APBA1: variants seen among roughly 807,000 people sequenced by gnomAD.
APBA1 encodes amyloid-beta A4 precursor protein-binding family A member 1.
APBA1 carries 55 observed loss-of-function variants against 86.6 expected under a neutral mutation model. The observed-to-expected ratio is 0.64, with a 90% CI of 0.51 to 0.80. APBA1 has a LOEUF of 0.80. Ranked by LOEUF, APBA1 falls within the 30% of genes least tolerant of loss-of-function variation. APBA1 has a pLI of 0.00. For missense variants in APBA1, 1,090 were observed against 1,183.0 expected (o/e 0.92, Z 1.15); for synonymous variants, 511 against 493.9 (o/e 1.03, Z -0.46).
At chr9:69,523,497 G>GTATA (rs869242999) in intron 1 of APBA1, among the ~76,000 whole-genome samples, 241 of 30,774 alleles carry the variant, frequency 7.8e-3, no homozygotes, top group South Asian at 9.5e-3. Context: ...ATATATATAT[G>GTATA]TATATATATA....
intron 2 of APBA1, among the ~76,000 whole-genome samples, chr9:69,486,868 TTC>T (rs1196923135): frequency 9.6e-6 from 1 of 103,806 alleles, no homozygotes; most frequent in East Asian, 2.6e-4. Flanking sequence ...TTTTCTTCTT[TTC>T]TTTTTTTTTT....
rs534190449 is a variant in APBA1 at position 69,662,413 on chromosome 9, A to T, written c.-70+9740T>A. Among the ~76,000 whole-genome samples, 21 of 152,292 alleles carry T rather than the reference A, an allele frequency of 1.4e-4. No homozygotes were observed. The East Asian group carries it at 3.7e-3, about 27-fold the overall frequency. On this transcript the variant is annotated intron_variant, in intron 1 of 12. Coordinates refer to ENST00000265381, the MANE Select transcript of APBA1 (RefSeq NM_001163.4). Reference sequence around the variant, plus strand: ...TGGATGGGGAATCTGCTGAGCTTTTAAAAAAGGAATTTATGTGTACTTTGA... The same window carrying T: ...TGGATGGGGAATCTGCTGAGCTTTTTAAAAAGGAATTTATGTGTACTTTGA...
intron 2 of APBA1, among the ~76,000 whole-genome samples, chr9:69,496,566 A>C (rs1423910824): frequency 6.6e-6 from 1 of 151,916 alleles, no homozygotes; most frequent in African/African-American, 2.4e-5. Flanking sequence ...GGCATTTCTG[A>C]CCACTCTTGT....
chr9:69,615,612 C>T (rs1822683263), intron 1 of APBA1, among the ~76,000 whole-genome samples: 1 of 152,158 alleles, frequency 6.6e-6, no homozygotes, highest in African/African-American at 2.4e-5. Flanking sequence ...ATCTGAGCTT[C>T]CTATGTCATC....
chr9:69,497,684 G>T (rs746452903), intron 2 of APBA1, among the ~76,000 whole-genome samples: 1 of 152,018 alleles, frequency 6.6e-6, no homozygotes, highest in Non-Finnish European at 1.5e-5. Context: ...CTTTCTTCAG[G>T]ACAACACCTC....
intron 1 of APBA1, among the ~76,000 whole-genome samples, chr9:69,537,496 G>A (rs977730921): frequency 6.6e-6 from 1 of 152,010 alleles, no homozygotes; most frequent in Admixed American, 6.6e-5. Flanking sequence ...GACCCAGATG[G>A]CACTGGCCAA....
In APBA1 at chr9:69,579,726, C is replaced by T. The variant is rs370801506; in HGVS notation, c.-69-62447G>A. On this transcript the variant is annotated intron_variant, in intron 1 of 12. Coordinates refer to ENST00000265381, the MANE Select transcript of APBA1 (RefSeq NM_001163.4). ...GGTAGGTCACAATAATGCATGTTGC[C>T]GGATTCCTGTAAATATGTTATAATT... Among the ~76,000 whole-genome samples, 332 of 152,104 alleles carry T rather than the reference C, an allele frequency of 2.2e-3. 1 individual carries two copies. The highest frequency in any genetic ancestry group is 3.2e-3 in the Non-Finnish European group (219 of 67,990).
chr9:69,500,635 G>A lies in APBA1; in HGVS notation c.1200+15376C>T, dbSNP rs1588323382. Among the ~76,000 whole-genome samples, 8 of 152,214 alleles carry A rather than the reference G, an allele frequency of 5.3e-5. No individual in the cohort carries two copies. In the South Asian group the frequency reaches 1.7e-3, roughly 32 times the overall value. On this transcript the variant is annotated intron_variant, in intron 2 of 12. Transcript: ENST00000265381. ...AACTCACGCAAGAAAAGCGGAAAATGAGATCCTAAAGAGTTGAGTGTTAAA... is the reference window on the plus strand; with the variant it reads ...AACTCACGCAAGAAAAGCGGAAAATAAGATCCTAAAGAGTTGAGTGTTAAA...
chr9:69,643,457 G>A (rs1823328748), intron 1 of APBA1, among the ~76,000 whole-genome samples: 1 of 152,158 alleles, frequency 6.6e-6, no homozygotes, highest in African/African-American at 2.4e-5. Context: ...AAGTGTAGCT[G>A]GGCCTCAGGA....
intron 1 of APBA1, among the ~76,000 whole-genome samples, chr9:69,636,986 A>AGAAAGAAAGAAAG (rs1564099107): frequency 1.6e-5 from 2 of 122,296 alleles, no homozygotes; most frequent in African/African-American, 2.7e-5. Context: ...AAAGAAAGAA[A>AGAAAGAAAGAAAG]AATGTGATAC....
Position 69,519,204 on chromosome 9 carries a change from G to A in APBA1, c.-69-1925C>T, listed in dbSNP as rs1836214062. 2.6e-5 allele frequency among the ~76,000 whole-genome samples: 4 copies of A among 152,222 alleles called. No homozygotes were observed. In the South Asian group the frequency reaches 8.3e-4, roughly 32 times the overall value. ...GTTAAGGCTGTAAACCAGCAGCAGG[G>A]TGGGGTGGGGAATGATTAGAAGCTG... is the stretch of plus-strand genomic sequence containing the variant. On this transcript the variant is annotated intron_variant, in intron 1 of 12. Transcript: ENST00000265381.
At chr9:69,573,501 AT>A (rs1228849176) in intron 1 of APBA1, among the ~76,000 whole-genome samples, 1 of 152,178 alleles carries the variant, frequency 6.6e-6, no homozygotes, top group Non-Finnish European at 1.5e-5. Context: ...GCATTGTTGT[AT>A]TTACAGAATA....
intron 1 of APBA1, among the ~76,000 whole-genome samples, chr9:69,652,601 G>A (rs1338524111): frequency 1.3e-5 from 2 of 152,138 alleles, no homozygotes; most frequent in African/African-American, 4.8e-5. Flanking sequence ...AGTAACCAAA[G>A]GGCAGTAGTA....
intron 1 of APBA1, among the ~76,000 whole-genome samples, chr9:69,613,559 G>C (rs771627737): frequency 7.2e-5 from 11 of 151,992 alleles, no homozygotes; most frequent in Non-Finnish European, 1.6e-4. Context: ...TATATCTTTT[G>C]CTTGGCTGAG....
At chr9:69,585,058 TTA>T (rs1159678649) in intron 1 of APBA1, among the ~76,000 whole-genome samples, 11 of 152,204 alleles carry the variant, frequency 7.2e-5, no homozygotes, top group Non-Finnish European at 1.6e-4. Flanking sequence ...TGAGCATCTA[TTA>T]TGTGACAGAC....
chr9:69,576,869 CATT>C (rs1588373829), intron 1 of APBA1, among the ~76,000 whole-genome samples: 1 of 152,028 alleles, frequency 6.6e-6, no homozygotes, highest in South Asian at 2.1e-4. Context: ...AAAAATTATG[CATT>C]ATTTGTGTGA....
intron 1 of APBA1, among the ~76,000 whole-genome samples, chr9:69,569,374 T>C (rs962042254): frequency 1.2e-4 from 19 of 152,186 alleles, no homozygotes; most frequent in African/African-American, 4.6e-4. Context: ...CATTCTAGTG[T>C]ACAGGAGGGC....
chr9:69,629,903 G>A (rs761207154), intron 1 of APBA1, among the ~76,000 whole-genome samples: 8 of 152,064 alleles, frequency 5.3e-5, no homozygotes, highest in Non-Finnish European at 7.4e-5. Flanking sequence ...TCCTACTCCC[G>A]GCCACACAGT....
chr9:69,491,005 T>G (rs576454622), intron 2 of APBA1, among the ~76,000 whole-genome samples: 1 of 152,156 alleles, frequency 6.6e-6, no homozygotes, highest in Non-Finnish European at 1.5e-5. Flanking sequence ...ACACTGTTGG[T>G]GGGACTGTAA....
Sources: allele counts gnomAD v4.1 joint callset (sites outside exome capture counted in the v4.1 genomes callset), GRCh38; gene constraint gnomAD v4.1.1; transcripts MANE v1.5; gene names NCBI Gene and HGNC (gene_info 2026-07-23, HGNC 2026-07-21).